The following ZDHHC11B variants were observed in gnomAD, a reference collection of about 807,000 sequenced individuals.
The protein encoded by ZDHHC11B is probable palmitoyltransferase ZDHHC11B.
Under a neutral mutation model 42.3 loss-of-function variants are expected in ZDHHC11B, and 17 were observed. That is an observed-to-expected ratio of 0.40 (90% CI 0.27 to 0.60). ZDHHC11B has a LOEUF of 0.60. Among genes scored for constraint, ZDHHC11B ranks in the 20% least tolerant of loss-of-function variants. The probability of loss-of-function intolerance (pLI) is 0.41; values close to 1 mark genes in which losing one functional copy is unlikely to be tolerated. For synonymous variants in ZDHHC11B, 123 were observed against 193.5 expected, an observed-to-expected ratio of 0.64 and a Z score of 3.02; for missense variants, 262 against 463.2, an observed-to-expected ratio of 0.57 and a Z score of 3.99.
intron 1 of ZDHHC11B, among the ~76,000 whole-genome samples, chr5:774,516 G>A (rs1167450877): frequency 6.6e-6 from 1 of 152,258 alleles, no homozygotes; most frequent in Non-Finnish European, 1.5e-5. Flanking sequence ...AGGACCTGGG[G>A]TCTGTCACTA....
At chr5:717,485 G>A (rs1315538020) in intron 12 of ZDHHC11B, among the ~76,000 whole-genome samples, 2 of 151,598 alleles carry the variant, frequency 1.3e-5, no homozygotes, top group South Asian at 2.1e-4. Flanking sequence ...CCAGAAACGC[G>A]CAAAATTTTG....
intron 12 of ZDHHC11B, among the ~76,000 whole-genome samples, chr5:722,491 G>A (rs1451788514): frequency 1.3e-5 from 2 of 151,568 alleles, no homozygotes; most frequent in Non-Finnish European, 2.9e-5. Context: ...GCCACAATAA[G>A]CCACCAGTTC....
chr5:741,434 TAAC>T (rs1744147327), intron 10 of ZDHHC11B, among the ~76,000 whole-genome samples, 157 bp downstream of exon 10: 1 of 145,704 alleles, frequency 6.9e-6, no homozygotes, highest in African/African-American at 2.5e-5. Flanking sequence ...TGGTATAATT[TAAC>T]AACATTAAAC....
chr5:724,662 T>TACACACACACACACACAC, intron 12 of ZDHHC11B, among the ~76,000 whole-genome samples: 1 of 145,146 alleles, frequency 6.9e-6, no homozygotes, highest in African/African-American at 2.6e-5. Context: ...GACCATCAGT[T>TACACACACACACACACAC]ACACACACAC....
At chr5:757,769 G>C (rs1484257171) in intron 4 of ZDHHC11B, among the ~76,000 whole-genome samples, 1 of 151,836 alleles carries the variant, frequency 6.6e-6, no homozygotes, top group East Asian at 1.9e-4. Flanking sequence ...AGGAGGACAG[G>C]CGAGAATGAT....
At chr5:745,633 C>A (rs1744709963) in intron 8 of ZDHHC11B, among the ~76,000 whole-genome samples, 1 of 150,066 alleles carries the variant, frequency 6.7e-6, no homozygotes. Flanking sequence ...GTCCCCTATA[C>A]CATGCAGCCT....
At chr5:716,754 C>A (rs1741779571) in intron 13 of ZDHHC11B, 47 bp downstream of exon 13, 3 of 1,610,920 alleles carry the variant, frequency 1.9e-6, no homozygotes, top group East Asian at 2.2e-5. Context: ...TCTAGAGAAC[C>A]AAACTTGGGT....
At chr5:764,680 G>A (rs1409203235) in intron 4 of ZDHHC11B, among the ~76,000 whole-genome samples, 1 of 151,886 alleles carries the variant, frequency 6.6e-6, no homozygotes, top group East Asian at 1.9e-4. Flanking sequence ...AGCCTCCCCA[G>A]TGAGCACCGT....
intron 4 of ZDHHC11B, among the ~76,000 whole-genome samples, chr5:761,726 C>T (rs1734638984): frequency 6.6e-6 from 1 of 151,888 alleles, no homozygotes; most frequent in Non-Finnish European, 1.5e-5. Context: ...ACTGGGCACA[C>T]TCAGGGCCTC....
chr5:711,179 A>C lies in ZDHHC11B; in HGVS notation c.*1111T>G. ...TACTGTGCTCCGCTTTCCCAGTACTATGCTCCCATTTCCCAGTGCTGTGCC... is the reference window on the plus strand; with the variant it reads ...TACTGTGCTCCGCTTTCCCAGTACTCTGCTCCCATTTCCCAGTGCTGTGCC... On this transcript the variant is annotated 3_prime_UTR_variant, in exon 14 of 14. Coordinates refer to ENST00000508859, the MANE Select transcript of ZDHHC11B (RefSeq NM_001351303.2). The C allele has an allele frequency of 7.8e-6, 1 of 128,346 alleles. No individual in the cohort carries two copies. The highest frequency in any genetic ancestry group is 2.7e-4 in the East Asian group (1 of 3,690). The allele number at this position is 128,346 out of a possible 1,614,324, so 8.0% of individuals were successfully genotyped here. A position where few individuals can be genotyped will look rare whatever the true frequency, so the allele number is the denominator to read the frequency against.
At chr5:779,161 A>G (rs1206510395) in intron 1 of ZDHHC11B, among the ~76,000 whole-genome samples, 1 of 151,542 alleles carries the variant, frequency 6.6e-6, no homozygotes, top group Non-Finnish European at 1.5e-5. Context: ...GGCTGCAGTG[A>G]TGCAGCCACA....
At chr5:759,009 C>CCGT (rs1734223472) in intron 4 of ZDHHC11B, among the ~76,000 whole-genome samples, 1 of 151,862 alleles carries the variant, frequency 6.6e-6, no homozygotes, top group Non-Finnish European at 1.5e-5. Context: ...ACACGGAGCA[C>CCGT]CGTGTTCTCA....
intron 4 of ZDHHC11B, among the ~76,000 whole-genome samples, chr5:757,660 G>A (rs1251896175): frequency 2.0e-5 from 3 of 151,972 alleles, no homozygotes; most frequent in African/African-American, 2.4e-5. Context: ...AGGATGCACC[G>A]CACACCCTGC....
chr5:714,150 C>T (rs549702688), intron 13 of ZDHHC11B, among the ~76,000 whole-genome samples: 68 of 131,964 alleles, frequency 5.2e-4, no homozygotes, highest in Non-Finnish European at 7.8e-4. Context: ...TGCTCAGTTT[C>T]GGAGCATTGT....
At chr5:766,642 C>G (rs1735425945) in intron 4 of ZDHHC11B, 56 bp downstream of exon 4, 1 of 1,518,614 alleles carries the variant, frequency 6.6e-7, no homozygotes, top group African/African-American at 1.4e-5. Flanking sequence ...CCAGGTCCAT[C>G]GCAGGGTCCT....
intron 4 of ZDHHC11B, among the ~76,000 whole-genome samples, chr5:766,241 A>G (rs1156280864): frequency 3.3e-5 from 5 of 151,876 alleles, no homozygotes; most frequent in African/African-American, 7.2e-5. Flanking sequence ...TCCCCTACCC[A>G]CTGGGAGACA....
chr5:753,326 C>G (rs1358735011), intron 6 of ZDHHC11B, among the ~76,000 whole-genome samples: 25 of 130,230 alleles, frequency 1.9e-4, no homozygotes, highest in African/African-American at 6.0e-4. Flanking sequence ...GGGACAGAAG[C>G]GAGGTTGGCA....
intron 11 of ZDHHC11B, among the ~76,000 whole-genome samples, chr5:732,955 G>A (rs539220802): frequency 6.6e-6 from 1 of 151,888 alleles, no homozygotes; most frequent in Admixed American, 6.6e-5. Flanking sequence ...TATTCGGGAG[G>A]CTGAGGTGGG....
intron 4 of ZDHHC11B, among the ~76,000 whole-genome samples, chr5:758,884 T>C (rs1169987630): frequency 6.6e-6 from 1 of 151,910 alleles, no homozygotes; most frequent in Non-Finnish European, 1.5e-5. Context: ...ATAGGAACGA[T>C]GCTGGTGACC....
Sources: allele counts gnomAD v4.1 joint callset (sites outside exome capture counted in the v4.1 genomes callset), GRCh38; gene constraint gnomAD v4.1.1; transcripts MANE v1.5; gene names NCBI Gene and HGNC (gene_info 2026-07-23, HGNC 2026-07-21).